ATP6V0A4: variants seen among roughly 807,000 people sequenced by gnomAD.
ATP6V0A4 encodes ATPase H+ transporting V0 subunit a4, also known as V-type proton ATPase 116 kDa subunit a 4.
A neutral mutation model predicts 107.3 loss-of-function variants in ATP6V0A4; 86 were observed. The observed-to-expected ratio is 0.80, with a 90% confidence interval of 0.67 to 0.96. ATP6V0A4 has a LOEUF of 0.96. Among genes scored for constraint, ATP6V0A4 ranks in the 40% least tolerant of loss-of-function variants. The pLI, the probability that ATP6V0A4 is intolerant of heterozygous loss-of-function variation, is 0.00. For missense variants in ATP6V0A4, 908 were observed against 1,045.6 expected (o/e 0.87, Z 1.81); for synonymous variants, 353 against 381.4 (o/e 0.93, Z 0.87).
chr7:138,733,221 C>A, intron 16 of ATP6V0A4, 128 bp from the exon 17 acceptor site: 1 of 1,462,420 alleles, frequency 6.8e-7, no homozygotes. Flanking sequence ...TGGCAAACAA[C>A]GGCACCCCCC....
At chr7:138,720,793 T>C (rs989146655) in intron 19 of ATP6V0A4, among the ~76,000 whole-genome samples, 5 of 152,076 alleles carry the variant, frequency 3.3e-5, no homozygotes, top group African/African-American at 1.2e-4. Context: ...CTCACCACCA[T>C]GCCTGGCTAA....
At position 138,706,536 on chromosome 7, in the gene ATP6V0A4, T is replaced by C. The variant is rs1803373857; in HGVS notation, c.*88A>G. On this transcript the variant is annotated 3_prime_UTR_variant, in exon 22 of 22. Transcript: ENST00000310018. Reference sequence around the variant, plus strand: ...AGGTGAGCCAAGAACAACCTTCCCATTGAGCGCCTTGCAGGGGCTGATATC... The same window carrying C: ...AGGTGAGCCAAGAACAACCTTCCCACTGAGCGCCTTGCAGGGGCTGATATC... 4.7e-6 allele frequency: 7 copies of C among 1,485,502 alleles called. No individual in the cohort carries two copies. The highest frequency in any genetic ancestry group is 6.5e-6 in the Non-Finnish European group (7 of 1,074,930). 92.0% of individuals were successfully genotyped at this position (1,485,502 alleles called of 1,614,324 possible).
chr7:138,752,199 G>A (rs758915057), intron 11 of ATP6V0A4, among the ~76,000 whole-genome samples: 15 of 151,826 alleles, frequency 9.9e-5, no homozygotes, highest in Non-Finnish European at 1.8e-4. Context: ...GTGAAACCCC[G>A]TCTCTACTAA....
At chr7:138,782,405 C>T (rs369533540) in intron 2 of ATP6V0A4, among the ~76,000 whole-genome samples, 77 of 152,172 alleles carry the variant, frequency 5.1e-4, no homozygotes, top group Non-Finnish European at 2.4e-4. Context: ...TTAATTATCT[C>T]GGCAAAGACC....
intron 11 of ATP6V0A4, among the ~76,000 whole-genome samples, chr7:138,749,586 T>C (rs1277999951): frequency 6.6e-6 from 1 of 152,200 alleles, no homozygotes. Context: ...TAAATGCGAA[T>C]GTTATGACTC....
At chr7:138,706,849 G>A (rs2117166941) in intron 21 of ATP6V0A4, 132 bp from the exon 22 acceptor site, 1 of 1,465,338 alleles carries the variant, frequency 6.8e-7, no homozygotes. Context: ...GTTGGCCACG[G>A]CAGGCACCCA....
rs753254556 is a variant in ATP6V0A4, at chr7:138,798,138, C to G, written c.-225G>C. 6.9e-6 allele frequency: 11 copies of G among 1,602,082 alleles called. No individual in the cohort carries two copies. The South Asian group carries it at 1.1e-4, about 16-fold the overall frequency. The stretch of plus-strand genomic sequence containing the variant: ...CCTCCCCGCTGCCACCCGGGCCACC[C>G]TGATCCTCAGCCTGGCCTTTGCCTC... On this transcript the variant is annotated 5_prime_UTR_variant, in exon 1 of 22. Transcript: ENST00000310018.
chr7:138,733,172 A>G (rs985200112), intron 16 of ATP6V0A4, 79 bp from the exon 17 acceptor site: 2 of 1,592,728 alleles, frequency 1.3e-6, no homozygotes, highest in African/African-American at 2.7e-5. Context: ...TCAAAGCACA[A>G]AAGCACAAAA....
At chr7:138,785,308 C>T (rs1224500755) in intron 2 of ATP6V0A4, among the ~76,000 whole-genome samples, 2 of 142,638 alleles carry the variant, frequency 1.4e-5, no homozygotes, top group African/African-American at 5.3e-5. Flanking sequence ...TGGAGTCTTG[C>T]TCTGTCGCCC....
rs1217376001 is a variant in ATP6V0A4, at chr7:138,788,274, TGACCACATGCTCA to T, written c.-120-2027_-120-2015del. 2.0e-5 allele frequency among the ~76,000 whole-genome samples: 3 copies of T among 152,372 alleles called. No homozygotes were observed. In the East Asian group the frequency reaches 5.8e-4, roughly 29 times the overall value. The stretch of plus-strand genomic sequence containing the variant: ...CTGTTTATTAAACAAAAGATGAATC[TGACCACATGCTCA>T]GATTGTTGTGCCAACAGAAATATTT... On this transcript the variant is annotated intron_variant, in intron 1 of 21. Coordinates refer to ENST00000310018, the MANE Select transcript of ATP6V0A4 (RefSeq NM_020632.3).
chr7:138,714,813 T>G (rs867031727), intron 20 of ATP6V0A4, among the ~76,000 whole-genome samples: 19 of 152,152 alleles, frequency 1.2e-4, no homozygotes, highest in African/African-American at 4.3e-4. Context: ...CCCAAAGATG[T>G]CTACATCCTA....
chr7:138,739,056 T>C (rs887926233), intron 15 of ATP6V0A4, among the ~76,000 whole-genome samples: 1 of 152,210 alleles, frequency 6.6e-6, no homozygotes, highest in African/African-American at 2.4e-5. Flanking sequence ...CTGAGATAGA[T>C]ATAACAAACA....
At chr7:138,768,136 G>A (rs1415891813) in intron 5 of ATP6V0A4, among the ~76,000 whole-genome samples, 2 of 152,116 alleles carry the variant, frequency 1.3e-5, no homozygotes, top group East Asian at 3.9e-4. Context: ...GTTTCACCAT[G>A]TTGGCCAGGC....
rs565050253 is a variant in ATP6V0A4 at position 138,710,317 on chromosome 7, G to A, written c.2258-522C>T. Among the ~76,000 whole-genome samples the A allele has an allele frequency of 5.3e-4, 80 of 151,010 alleles. 1 individual carries two copies. Among genetic ancestry groups the A allele is most frequent in the Middle Eastern group, 3.4e-3 (1 of 292 alleles). On this transcript the variant is annotated intron_variant, in intron 20 of 21. Transcript: ENST00000310018. ...AGCAATTCTCCTGCCTCAGCCTCCC[G>A]AGTAGCTGGGACTACAGGTGTATGC...
rs1806018393 is a variant in ATP6V0A4 at position 138,747,584 on chromosome 7, A to G, written c.1181-20T>C. On this transcript the variant is annotated intron_variant, in intron 12 of 21. Transcript: ENST00000310018. ...AGGGGGCTGCGGAGGGGAGACACACAACGCCTGAGGCCTCAGCACAGCCTC... is the reference window on the plus strand; with the variant it reads ...AGGGGGCTGCGGAGGGGAGACACACGACGCCTGAGGCCTCAGCACAGCCTC... 1 of 1,613,342 alleles carries G rather than the reference A, an allele frequency of 6.2e-7. No homozygotes were observed. The highest frequency in any genetic ancestry group is 8.5e-7 in the Non-Finnish European group (1 of 1,179,822).
chr7:138,775,166 CT>C (rs1254134089), intron 2 of ATP6V0A4, among the ~76,000 whole-genome samples: 1 of 151,912 alleles, frequency 6.6e-6, no homozygotes, highest in East Asian at 1.9e-4. Context: ...CTTTTCTGTA[CT>C]TTTCTGCAAA....
intron 18 of ATP6V0A4, among the ~76,000 whole-genome samples, chr7:138,724,712 G>T (rs2117219269): frequency 6.6e-6 from 1 of 152,270 alleles, no homozygotes; most frequent in Middle Eastern, 3.4e-3. Context: ...ACTTATAGAA[G>T]AAAATATCAA....
Position 138,762,559 on chromosome 7 carries a change from C to G in ATP6V0A4, c.418-125G>C, listed in dbSNP as rs534201156. 1.7e-5 allele frequency: 25 copies of G among 1,509,786 alleles called. No individual in the cohort carries two copies. The South Asian group carries it at 3.1e-4, about 19-fold the overall frequency. 93.5% of individuals were successfully genotyped at this position (1,509,786 alleles called of 1,614,324 possible). A position where few individuals can be genotyped will look rare whatever the true frequency, so the allele number is the denominator to read the frequency against. On this transcript the variant is annotated intron_variant, in intron 6 of 21. Coordinates refer to ENST00000310018, the MANE Select transcript of ATP6V0A4 (RefSeq NM_020632.3). The stretch of plus-strand genomic sequence containing the variant: ...TTTTCCACAAAAAGTTAACAGAAGT[C>G]AGAAAACAGAGTGCTCCTGGCCAGA...
chr7:138,776,443 T>G (rs1437453397), intron 2 of ATP6V0A4, among the ~76,000 whole-genome samples: 1 of 152,188 alleles, frequency 6.6e-6, no homozygotes, highest in Non-Finnish European at 1.5e-5. Context: ...TTCCAAAGGC[T>G]GAACTCAAGA....
Sources: gnomAD v4.1 joint callset for allele counts (sites outside exome capture counted in the v4.1 genomes callset) on GRCh38, gnomAD v4.1.1 for gene constraint, MANE v1.5 for transcripts, NCBI Gene and HGNC (gene_info 2026-07-23, HGNC 2026-07-21) for gene names.